The following DRC11L variants were observed in gnomAD, a reference collection of about 807,000 sequenced individuals.
DRC11L encodes dynein regulatory complex subunit like-11.
the DRC11L span, chr7:151,193,574 A>T: frequency 2.5e-6 from 1 of 398,940 alleles, no homozygotes; most frequent in African/African-American, 2.1e-5. Context: ...AGGTCAGGCC[A>T]AGGGCCTAGG....
the DRC11L span, among the ~76,000 whole-genome samples, chr7:151,191,255 A>G: frequency 6.6e-6 from 1 of 151,846 alleles, no homozygotes; most frequent in African/African-American, 2.4e-5. Flanking sequence ...TTCAGGTACA[A>G]TGTCAGCCGT....
the DRC11L span, chr7:151,197,754 C>T: frequency 1.0e-5 from 4 of 396,164 alleles, no homozygotes; most frequent in East Asian, 3.6e-5. Flanking sequence ...CCACCCCACT[C>T]GCTATTCTCT....
chr7:151,194,135 G>A, the DRC11L span: 2 of 389,434 alleles, frequency 5.1e-6, no homozygotes, highest in East Asian at 3.6e-5. Context: ...AGGGCAGGAG[G>A]ACCTGGGGCT....
At chr7:151,203,860 G>A in the DRC11L span, among the ~76,000 whole-genome samples, 1 of 152,102 alleles carries the variant, frequency 6.6e-6, no homozygotes, top group Non-Finnish European at 1.5e-5. Flanking sequence ...TCTTCCCTGC[G>A]CCCCCACCCC....
chr7:151,203,006 G>T, the DRC11L span: 1 of 399,760 alleles, frequency 2.5e-6, no homozygotes. Context: ...CGAATCTCTC[G>T]CATGAAGGTG....
chr7:151,191,742 G>A, the DRC11L span: 7 of 399,282 alleles, frequency 1.8e-5, no homozygotes, highest in Admixed American at 4.4e-5. Context: ...AGGAACCGCC[G>A]CTCACTCAGC....
chr7:151,195,408 G>A, the DRC11L span: 5 of 398,920 alleles, frequency 1.3e-5, no homozygotes, highest in Non-Finnish European at 1.8e-5. Flanking sequence ...CATGCAAAGT[G>A]GGCACGACAG....
the DRC11L span, chr7:151,194,586 A>T: frequency 2.5e-6 from 1 of 399,452 alleles, no homozygotes; most frequent in Non-Finnish European, 4.4e-6. Context: ...CTTCGTACAG[A>T]GACTCCACAG....
At chr7:151,202,485 A>G in the DRC11L span, among the ~76,000 whole-genome samples, 1 of 152,210 alleles carries the variant, frequency 6.6e-6, no homozygotes, top group Non-Finnish European at 1.5e-5. Flanking sequence ...TTTTGAAAAT[A>G]GAGATGTAGA....
the DRC11L span, among the ~76,000 whole-genome samples, chr7:151,199,626 C>T: frequency 2.8e-4 from 43 of 152,242 alleles, no homozygotes; most frequent in African/African-American, 9.6e-4. The surrounding 1 kb of genome is among the most constrained non-coding windows in gnomAD (Gnocchi z 5.2). Flanking sequence ...CCTCCCAAGG[C>T]TCCAAGCCTC....
chr7:151,199,204 G>A, the DRC11L span, among the ~76,000 whole-genome samples: 7 of 152,252 alleles, frequency 4.6e-5, no homozygotes, highest in South Asian at 6.2e-4. This position sits in a 1 kb window ranked among gnomAD's most constrained non-coding sequence, Gnocchi z 5.2. Context: ...AGCCGAATTC[G>A]TCTGTGTAAA....
At chr7:151,193,261 C>T in the DRC11L span, 14 of 399,160 alleles carry the variant, frequency 3.5e-5, no homozygotes, top group East Asian at 1.1e-4. Flanking sequence ...GTCTGAGAAC[C>T]GCAAATGCCA....
At chr7:151,195,709 G>A in the DRC11L span, 2 of 399,588 alleles carry the variant, frequency 5.0e-6, no homozygotes, top group Non-Finnish European at 8.8e-6. Context: ...TGGGAGGACA[G>A]GTGGGAGAGG....
At chr7:151,192,348 C>A in the DRC11L span, 1 of 399,236 alleles carries the variant, frequency 2.5e-6, no homozygotes, top group African/African-American at 2.1e-5. Context: ...CCCCGCATCT[C>A]GGCCAGCTGT....
the DRC11L span, chr7:151,197,987 TG>T: frequency 2.6e-6 from 1 of 388,540 alleles, no homozygotes; most frequent in Non-Finnish European, 4.5e-6. Flanking sequence ...GACAGAGAGG[TG>T]GGTAGAAGGG....
chr7:151,197,912 T>G, the DRC11L span: 1 of 398,914 alleles, frequency 2.5e-6, no homozygotes, highest in East Asian at 3.6e-5. Context: ...GGTCACTAAG[T>G]GAACAAAAGA....
the DRC11L span, chr7:151,196,494 A>T: frequency 2.5e-6 from 1 of 399,434 alleles, no homozygotes; most frequent in Non-Finnish European, 4.4e-6. Flanking sequence ...CTCCTCCCGG[A>T]GGGTCTCGGA....
the DRC11L span, chr7:151,192,822 C>T: frequency 2.5e-5 from 10 of 398,948 alleles, no homozygotes; most frequent in East Asian, 1.1e-4. Flanking sequence ...CTGTAGGAGT[C>T]GGGCTACCTG....
chr7:151,204,006 G>A, the DRC11L span, among the ~76,000 whole-genome samples: 4 of 152,204 alleles, frequency 2.6e-5, no homozygotes, highest in South Asian at 2.1e-4. Context: ...GAACTTGCCC[G>A]TGCACACAGA....
Sources: allele counts gnomAD v4.1 joint callset (sites outside exome capture counted in the v4.1 genomes callset), GRCh38; gene constraint gnomAD v4.1.1; non-coding constraint Gnocchi (gnomAD v3.1); transcripts MANE v1.5; gene names NCBI Gene and HGNC (gene_info 2026-07-23, HGNC 2026-07-21).